The following WDR87 variants were observed in gnomAD, a reference collection of about 807,000 sequenced individuals.
The protein encoded by WDR87 is WD repeat domain 87.
WDR87 carries 56 observed loss-of-function variants against 83.3 expected under a neutral mutation model. That is an observed-to-expected ratio of 0.67 (90% CI 0.54 to 0.84). The LOEUF (loss-of-function observed/expected upper bound fraction) is 0.84. Among genes scored for constraint, WDR87 ranks in the 40% least tolerant of loss-of-function variants. The probability of loss-of-function intolerance (pLI) is 0.00; values close to 1 mark genes in which losing one functional copy is unlikely to be tolerated. For synonymous variants in WDR87, 1,173 were observed against 1,250.6 expected, an observed-to-expected ratio of 0.94 and a Z score of 1.31; for missense variants, 2,939 against 3,431.9, an observed-to-expected ratio of 0.86 and a Z score of 3.59.
intron 1 of WDR87, among the ~76,000 whole-genome samples, chr19:37,904,918 T>C (rs1292733320): frequency 6.6e-6 from 1 of 152,164 alleles, no homozygotes; most frequent in East Asian, 1.9e-4. Context: ...ACATTTTAAT[T>C]TTATTTGATT....
intron 1 of WDR87, among the ~76,000 whole-genome samples, chr19:37,904,900 G>T (rs903192506): frequency 3.9e-5 from 6 of 152,006 alleles, no homozygotes; most frequent in Admixed American, 2.0e-4. Flanking sequence ...CTTTGTTAGT[G>T]CCTCATAACA....
rs201336732 is a variant in WDR87 at position 37,894,834 on chromosome 19, C to T, written c.869G>A (p.Arg290His). 260 of 1,551,696 alleles carry T rather than the reference C, an allele frequency of 1.7e-4. 2 individuals carry two copies. Among genetic ancestry groups the T allele is most frequent in the South Asian group, 1.8e-4 (15 of 84,064 alleles). ...CAGGGTGTGGGCCTCTGGTCGGCTGCGGATACAGATCACTCCTGATTGATG... is the reference window on the plus strand; with the variant it reads ...CAGGGTGTGGGCCTCTGGTCGGCTGTGGATACAGATCACTCCTGATTGATG... ...QAHQSGVICIRSRPEAHTLLT... is the reference protein window; with the variant it reads ...QAHQSGVICIHSRPEAHTLLT... Residue 290 changes from arginine to histidine, a missense_variant, in exon 4 of 6, where the codon CGC becomes CAC. Arg to His is a conservative substitution (Grantham distance 29). Coordinates refer to ENST00000447313, the MANE Select transcript of WDR87 (RefSeq NM_001291088.2).
chr19:37,901,744 C>T (rs903129809), intron 1 of WDR87, among the ~76,000 whole-genome samples: 2 of 151,636 alleles, frequency 1.3e-5, no homozygotes, highest in African/African-American at 2.4e-5. Flanking sequence ...GACAGGGTCT[C>T]GCTCTGTTGC....
rs2046233754 is a variant in WDR87, at chr19:37,894,243, CT to C, written c.1459del (p.Arg487GlufsTer11). 1.3e-6 allele frequency: 2 copies of C among 1,551,874 alleles called. No individual in the cohort carries two copies. The highest frequency in any genetic ancestry group is 1.7e-6 in the Non-Finnish European group (2 of 1,147,042). ...AGCACAGCTGTGCTGGGAGAGCACT[CT>C]TATCACACCACTCTGGTGCCCAGAG... The part of the protein sequence containing the change: ...IFSGHQSGVI[R>X]VLSQHSCARL... On this transcript the variant is annotated frameshift_variant, in exon 4 of 6. Coordinates refer to ENST00000447313, the MANE Select transcript of WDR87 (RefSeq NM_001291088.2). LOFTEE classifies it high-confidence loss of function.
chr19:37,887,878 C>T lies in WDR87; in HGVS notation c.5793G>A (p.Glu1931=). ...GMFNKILAQV[E]EKLTQEKETV... is the part of the protein sequence containing the mutation. The stretch of plus-strand genomic sequence containing the variant: ...TCTCCTTTTCCTGTGTCAGCTTCTC[C>T]TCTACCTGAGCCAGTATCTTGTTGA... The change falls in exon 6 of 6, where the codon GAG becomes GAA. Residue 1931 remains glutamate, a synonymous_variant. Coordinates refer to ENST00000447313, the MANE Select transcript of WDR87 (RefSeq NM_001291088.2). 1.3e-6 allele frequency: 2 copies of T among 1,551,478 alleles called. No individual in the cohort carries two copies. Among genetic ancestry groups the T allele is most frequent in the Non-Finnish European group, 1.7e-6 (2 of 1,146,920 alleles).
rs1169874094 is a variant in WDR87, at chr19:37,885,174, C to CT, written c.8496dup (p.Ala2833SerfsTer23). The CT allele has an allele frequency of 1.4e-6, 2 of 1,467,884 alleles. No homozygotes were observed. Among genetic ancestry groups the CT allele is most frequent in the African/African-American group, 2.9e-5 (2 of 69,996 alleles). The allele number at this position is 1,467,884 out of a possible 1,614,324, so 90.9% of individuals were successfully genotyped here. ...CGTTCCCCGGGAACTAGCTCTGTGG[C>CT]TTTTAGGGCCTCTTCGTAGATGATC... On this transcript the variant is annotated frameshift_variant, in exon 6 of 6. Coordinates refer to ENST00000447313, the MANE Select transcript of WDR87 (RefSeq NM_001291088.2). LOFTEE classifies it low-confidence loss of function (END_TRUNC).
rs919630629 is a variant in WDR87 at position 37,889,685 on chromosome 19, A to T, written c.3986T>A (p.Ile1329Asn). 3 of 1,551,766 alleles carry T rather than the reference A, an allele frequency of 1.9e-6. No homozygotes were observed. Among genetic ancestry groups the T allele is most frequent in the Non-Finnish European group, 2.6e-6 (3 of 1,147,026 alleles). Residue 1329 changes from isoleucine to asparagine, a missense_variant, in exon 6 of 6, where the codon ATC (isoleucine) becomes AAC (asparagine). This residue lies in a region of WDR87 where 2,160 missense variants were observed against 2,533.1 expected (regional missense o/e 0.85). Coordinates refer to ENST00000447313, the MANE Select transcript of WDR87 (RefSeq NM_001291088.2). The part of the protein sequence containing the change: ...RHPSWELFQE[I>N]CPLLKKESKV... Reference sequence around the variant, plus strand: ...ACTTTCTTTCTTCAATAGGGGGCAGATCTCCTGAAAGAGTTCCCAGCTGGG... The same window carrying T: ...ACTTTCTTTCTTCAATAGGGGGCAGTTCTCCTGAAAGAGTTCCCAGCTGGG...
In WDR87 at chr19:37,893,446, C is replaced by G. The variant is rs1484346177; in HGVS notation, c.2257G>C (p.Asp753His). 3 of 1,551,970 alleles carry G rather than the reference C, an allele frequency of 1.9e-6. No individual in the cohort carries two copies. In the African/African-American group the frequency reaches 4.1e-5, roughly 21 times the overall value. The change falls in exon 4 of 6, where the codon GAT becomes CAT. Residue 753 changes from aspartate to histidine, a missense_variant. By Grantham distance (81) the Asp-to-His change is moderately conservative. This residue lies in a region of WDR87 where 2,160 missense variants were observed against 2,533.1 expected (regional missense o/e 0.85). Coordinates refer to ENST00000447313, the MANE Select transcript of WDR87 (RefSeq NM_001291088.2). ...AGTAACACTGGGCTCCCTTCCTCATCTTCTTCTATCACATGTGGCACAGAA... is the reference window on the plus strand; with the variant it reads ...AGTAACACTGGGCTCCCTTCCTCATGTTCTTCTATCACATGTGGCACAGAA... ...DHSVPHVIEE[D>H]EEGSPVLLRS...
chr19:37,905,293 T>C (rs1251317904), intron 1 of WDR87, among the ~76,000 whole-genome samples: 2 of 151,478 alleles, frequency 1.3e-5, no homozygotes, highest in Non-Finnish European at 2.9e-5. Flanking sequence ...TAACCTAACT[T>C]GGAATAATAT....
chr19:37,898,859 A>G (rs2046275503), intron 1 of WDR87, among the ~76,000 whole-genome samples: 1 of 152,234 alleles, frequency 6.6e-6, no homozygotes, highest in Non-Finnish European at 1.5e-5. Flanking sequence ...TCTGGCCAGC[A>G]GAGGGCAACG....
chr19:37,891,486 A>T, intron 5 of WDR87, 66 bp downstream of exon 5: 1 of 1,522,548 alleles, frequency 6.6e-7, no homozygotes, highest in Non-Finnish European at 8.8e-7. Flanking sequence ...CTCTTGATCC[A>T]CTTTAACCCT....
chr19:37,889,336 A>C lies in WDR87; in HGVS notation c.4335T>G (p.Ala1445=), dbSNP rs1910286590. The C allele has an allele frequency of 1.3e-6, 2 of 1,551,740 alleles. No homozygotes were observed. Among genetic ancestry groups the C allele is most frequent in the South Asian group, 2.4e-5 (2 of 84,058 alleles). ...FQKSPKQGRK[A]VQKERKVGKI... The stretch of plus-strand genomic sequence containing the variant: ...TTCCTACTTTTCTTTCCTTCTGGAC[A>C]GCTTTCCTCCCTTGCTTAGGTGACT... Residue 1445 remains alanine (A), a synonymous_variant, in exon 6 of 6, where the codon GCT becomes GCG. Transcript: ENST00000447313.
At position 37,891,831 on chromosome 19, in the gene WDR87, C is replaced by G. The variant is rs761890194; in HGVS notation, c.3126-11G>C. The stretch of plus-strand genomic sequence containing the variant: ...CCGATCATCTGCTGCCTATGAAAGT[C>G]AAAGGAGAAGAAGGACTATGCTGAG... On this transcript the variant is annotated splice_polypyrimidine_tract_variant and intron_variant, in intron 4 of 5. Coordinates refer to ENST00000447313, the MANE Select transcript of WDR87 (RefSeq NM_001291088.2). 3 of 1,550,274 alleles carry G rather than the reference C, an allele frequency of 1.9e-6. No homozygotes were observed. The South Asian group carries it at 3.6e-5, about 18-fold the overall frequency.
chr19:37,885,823 G>C lies in WDR87; in HGVS notation c.7848C>G (p.His2616Gln). 6.4e-7 allele frequency: 1 copy of C among 1,551,874 alleles called. No individual in the cohort carries two copies. Among genetic ancestry groups the C allele is most frequent in the Non-Finnish European group, 8.7e-7 (1 of 1,147,030 alleles). The stretch of plus-strand genomic sequence containing the variant: ...TGTCTTGTGACTCCAGGGCCTGTCT[G>C]TGACGGTACACAATGGCTTCATGTT... Reference protein sequence around the residue: ...LAKHEAIVYRHRQALESQDTR... With the variant: ...LAKHEAIVYRQRQALESQDTR... The change falls in exon 6 of 6, where the codon CAC becomes CAG. Residue 2616 changes from histidine to glutamine, a missense_variant. By Grantham distance (24) the His-to-Gln change is conservative (BLOSUM62 0). This residue lies in a region of WDR87 where 2,160 missense variants were observed against 2,533.1 expected (regional missense o/e 0.85). Coordinates refer to ENST00000447313, the MANE Select transcript of WDR87 (RefSeq NM_001291088.2).
Position 37,893,871 on chromosome 19 carries a change from G to C in WDR87, c.1832C>G (p.Ser611Cys). The change falls in exon 4 of 6, where the codon TCC becomes TGC. Residue 611 changes from serine to cysteine, a missense_variant. Transcript: ENST00000447313. ...TLPLHLCAIT[S>C]FDVCLSLSLF... The stretch of plus-strand genomic sequence containing the variant: ...ACTCAAGGAGAGGCAGACATCAAAG[G>C]ATGTGATGGCACACAGGTGCAGAGG... The C allele has an allele frequency of 6.4e-7, 1 of 1,551,960 alleles. No homozygotes were observed. The highest frequency in any genetic ancestry group is 8.7e-7 in the Non-Finnish European group (1 of 1,147,058).
At chr19:37,906,070 A>G (rs1448539964) in intron 1 of WDR87, among the ~76,000 whole-genome samples, 1 of 152,188 alleles carries the variant, frequency 6.6e-6, no homozygotes, top group Non-Finnish European at 1.5e-5. Flanking sequence ...ACATCTTCCT[A>G]GAAGGCAGGC....
intron 1 of WDR87, among the ~76,000 whole-genome samples, chr19:37,899,623 G>A (rs565883082): frequency 6.6e-6 from 1 of 151,632 alleles, no homozygotes; most frequent in South Asian, 2.1e-4. Flanking sequence ...TCTTTGTTTT[G>A]TTTTTGTAGA....
chr19:37,884,919 A>C lies in WDR87; in HGVS notation c.*13T>G, dbSNP rs952093033. ...TTGGCAATGAAAAGTCCCAGCCTCC[A>C]GTCAGTCCCAAATTAGAGAGTGGGA... On this transcript the variant is annotated 3_prime_UTR_variant, in exon 6 of 6. Transcript: ENST00000447313. 7.8e-7 allele frequency: 1 copy of C among 1,284,846 alleles called. No individual in the cohort carries two copies. Among genetic ancestry groups the C allele is most frequent in the Non-Finnish European group, 9.9e-7 (1 of 1,008,742 alleles). 79.6% of individuals were successfully genotyped at this position (1,284,846 alleles called of 1,614,324 possible). A position where few individuals can be genotyped will look rare whatever the true frequency, so the allele number is the denominator to read the frequency against.
Position 37,888,621 on chromosome 19 carries a change from C to A in WDR87, c.5050G>T (p.Ala1684Ser). ...TGGCTTAGCTTCTCCCCTCTTTGGG[C>A]CAGTGTTTCCTCTTTCTGGGCAAAC... Reference protein sequence around the residue: ...GKFAQKEETLAQRGEKLSQEA... With the variant: ...GKFAQKEETLSQRGEKLSQEA... The change falls in exon 6 of 6, where the codon GCC (alanine) becomes TCC (serine). Residue 1684 changes from alanine to serine, a missense_variant. By Grantham distance (99) the Ala-to-Ser change is moderately conservative (BLOSUM62 1). This residue lies in a region of WDR87 where 2,160 missense variants were observed against 2,533.1 expected (regional missense o/e 0.85). Coordinates refer to ENST00000447313, the MANE Select transcript of WDR87 (RefSeq NM_001291088.2). The A allele has an allele frequency of 1.3e-6, 2 of 1,552,052 alleles. No homozygotes were observed. Among genetic ancestry groups the A allele is most frequent in the Non-Finnish European group, 1.7e-6 (2 of 1,147,084 alleles).
Sources: gnomAD v4.1 joint callset for allele counts (sites outside exome capture counted in the v4.1 genomes callset) on GRCh38, gnomAD v4.1.1 for gene constraint, gnomAD v4.1.1 regional missense constraint, MANE v1.5 for transcripts, NCBI Gene and HGNC (gene_info 2026-07-23, HGNC 2026-07-21) for gene names.